Variants in SKAP1 observed in about 807,000 individuals in gnomAD.
SKAP1 encodes src kinase associated phosphoprotein 1, also known as src kinase-associated phosphoprotein 1.
SKAP1 carries 44 observed loss-of-function variants against 58.5 expected under a neutral mutation model. That is an observed-to-expected ratio of 0.75 (90% CI 0.59 to 0.97). SKAP1 has a LOEUF of 0.97. SKAP1 is among the 50% of genes least tolerant of loss of function. The pLI is 0.00. For synonymous variants in SKAP1, 127 were observed against 149.7 expected (o/e 0.85, Z 1.11); for missense variants, 390 against 435.2 (o/e 0.90, Z 0.92).
chr17:48,405,699 C>A (rs1173199311), intron 1 of SKAP1, among the ~76,000 whole-genome samples: 1 of 151,156 alleles, frequency 6.6e-6, no homozygotes, highest in African/African-American at 2.4e-5. Flanking sequence ...TGGGGTTTCA[C>A]CATGTTGACC....
At chr17:48,168,286 T>C (rs564828971) in intron 10 of SKAP1, among the ~76,000 whole-genome samples, 2 of 152,270 alleles carry the variant, frequency 1.3e-5, no homozygotes, top group African/African-American at 2.4e-5. Context: ...CTGCTAGCCA[T>C]AGCATCTTTT....
At chr17:48,238,772 A>G (rs903375040) in intron 4 of SKAP1, among the ~76,000 whole-genome samples, 1 of 152,208 alleles carries the variant, frequency 6.6e-6, no homozygotes, top group Non-Finnish European at 1.5e-5. Context: ...ATGGATATGG[A>G]GCTCCATCAC....
At chr17:48,233,596 T>G (rs1202211277) in intron 4 of SKAP1, among the ~76,000 whole-genome samples, 1 of 151,948 alleles carries the variant, frequency 6.6e-6, no homozygotes, top group African/African-American at 2.4e-5. Flanking sequence ...GGCTTACACC[T>G]GTAATCCCAG....
In SKAP1 at chr17:48,345,984, G is replaced by A; in HGVS notation, c.201C>T (p.Ser67=). 6.2e-7 allele frequency: 1 copy of A among 1,612,170 alleles called. No homozygotes were observed. The change falls in exon 4 of 13, where the codon AGC becomes AGT. Residue 67 remains serine, a synonymous_variant. Coordinates refer to ENST00000336915, the MANE Select transcript of SKAP1 (RefSeq NM_003726.4). ...GAGTCCCGCTGTGATTATCATCAGA[G>A]CTGTCCTGTCCAATGTCTCCCCCTG... ...QPQGGDIGQD[S]SDDNHSGTLG...
chr17:48,264,173 A>G (rs2065515889), intron 4 of SKAP1, among the ~76,000 whole-genome samples: 1 of 149,614 alleles, frequency 6.7e-6, no homozygotes, highest in South Asian at 2.1e-4. Flanking sequence ...TGTATTTTCT[A>G]AAGCATTTGA....
At chr17:48,335,613 T>C (rs1456821484) in intron 4 of SKAP1, among the ~76,000 whole-genome samples, 2 of 152,098 alleles carry the variant, frequency 1.3e-5, no homozygotes, top group Non-Finnish European at 2.9e-5. Flanking sequence ...TGTAAAATAA[T>C]TGTAAAACTG....
chr17:48,287,551 A>G (rs992483745), intron 4 of SKAP1, among the ~76,000 whole-genome samples: 3 of 152,204 alleles, frequency 2.0e-5, no homozygotes, highest in African/African-American at 7.2e-5. Context: ...TTTTGGTAAG[A>G]AAGAAAAAAA....
At chr17:48,288,027 G>T (rs1403280989) in intron 4 of SKAP1, among the ~76,000 whole-genome samples, 1 of 152,182 alleles carries the variant, frequency 6.6e-6, no homozygotes. Context: ...AACATGGACT[G>T]ACTCAAGAGG....
intron 4 of SKAP1, among the ~76,000 whole-genome samples, chr17:48,244,264 C>T (rs1020937801): frequency 2.0e-5 from 3 of 152,140 alleles, no homozygotes; most frequent in Admixed American, 2.0e-4. Context: ...ACTGCCCCAT[C>T]CCCACATTCC....
At chr17:48,151,124 G>A (rs2063898521) in intron 11 of SKAP1, among the ~76,000 whole-genome samples, 1 of 149,234 alleles carries the variant, frequency 6.7e-6, no homozygotes, top group African/African-American at 2.5e-5. Context: ...AAAAATGCAA[G>A]TTTAAAATGT....
At position 48,182,394 on chromosome 17, in the gene SKAP1, C is replaced by T; in HGVS notation, c.631G>A (p.Asp211Asn). 2 of 1,599,100 alleles carry T rather than the reference C, an allele frequency of 1.3e-6. No individual in the cohort carries two copies. The highest frequency in any genetic ancestry group is 1.1e-5 in the South Asian group (1 of 89,840). ...TTATTTCTGTAACAATGACACTTAC[C>T]CTTTAACAAGAAACTTATTTGATCC... The part of the protein sequence containing the change: ...WVDQISFLLK[D>N]LSSLTIPYEE... The change falls in exon 8 of 13, where the codon GAT (aspartate) becomes AAT (asparagine). Residue 211 changes from aspartate to asparagine, a missense_variant and splice_region_variant. Asp to Asn is a conservative substitution (Grantham distance 23). Coordinates refer to ENST00000336915, the MANE Select transcript of SKAP1 (RefSeq NM_003726.4).
chr17:48,189,609 C>A, intron 4 of SKAP1, 109 bp from the exon 5 acceptor site: 2 of 688,060 alleles, frequency 2.9e-6, no homozygotes, highest in South Asian at 3.7e-5. Flanking sequence ...AGGGCAATTG[C>A]TTAAACACAG....
intron 1 of SKAP1, among the ~76,000 whole-genome samples, chr17:48,413,312 T>G (rs2067688464): frequency 6.6e-6 from 1 of 150,766 alleles, no homozygotes; most frequent in Admixed American, 6.6e-5. Context: ...GTCAGGAGTT[T>G]GAGACCAGCC....
At position 48,347,066 on chromosome 17, in the gene SKAP1, T is replaced by A. The variant is rs75612176; in HGVS notation, c.179-1060A>T. Among the ~76,000 whole-genome samples the A allele has an allele frequency of 3.1e-3, 473 of 152,324 alleles. 2 individuals are homozygous for A. Among genetic ancestry groups the A allele is most frequent in the African/African-American group, 0.01 (434 of 41,580 alleles). On this transcript the variant is annotated intron_variant, in intron 3 of 12. Coordinates refer to ENST00000336915, the MANE Select transcript of SKAP1 (RefSeq NM_003726.4). Reference sequence around the variant, plus strand: ...TTGTATTCTGTAGAAGTGACTGATGTTATTATGATACTTTAAAAGGTTCAG... The same window carrying A: ...TTGTATTCTGTAGAAGTGACTGATGATATTATGATACTTTAAAAGGTTCAG...
At chr17:48,201,488 C>T (rs2064727757) in intron 4 of SKAP1, among the ~76,000 whole-genome samples, 1 of 151,956 alleles carries the variant, frequency 6.6e-6, no homozygotes, top group Non-Finnish European at 1.5e-5. Context: ...TTCAAGCAAC[C>T]CTCCTGCCCT....
intron 2 of SKAP1, among the ~76,000 whole-genome samples, chr17:48,389,221 T>C (rs1598644494): frequency 6.6e-6 from 1 of 152,250 alleles, no homozygotes; most frequent in Non-Finnish European, 1.5e-5. Context: ...TACTACTGGT[T>C]TGTAAACTCT....
chr17:48,266,051 T>G (rs1277880434), intron 4 of SKAP1, among the ~76,000 whole-genome samples: 2 of 152,188 alleles, frequency 1.3e-5, no homozygotes, highest in African/African-American at 4.8e-5. Flanking sequence ...CAGCACTTGG[T>G]TTGGCTGACA....
At position 48,371,539 on chromosome 17, in the gene SKAP1, A is replaced by G. The variant is rs578142102; in HGVS notation, c.153-7725T>C. Reference sequence around the variant, plus strand: ...CCTCATATTATTAGAAATACTGGTCAGGTGTGGTGGCTCACACCTGTAATC... The same window carrying G: ...CCTCATATTATTAGAAATACTGGTCGGGTGTGGTGGCTCACACCTGTAATC... On this transcript the variant is annotated intron_variant, in intron 2 of 12. Coordinates refer to ENST00000336915, the MANE Select transcript of SKAP1 (RefSeq NM_003726.4). 3.3e-5 allele frequency among the ~76,000 whole-genome samples: 5 copies of G among 151,372 alleles called. No homozygotes were observed. In the South Asian group the frequency reaches 1.0e-3, roughly 32 times the overall value.
At position 48,325,776 on chromosome 17, in the gene SKAP1, G is replaced by A. The variant is rs372292515; in HGVS notation, c.280+20129C>T. 5.9e-5 allele frequency among the ~76,000 whole-genome samples: 9 copies of A among 152,248 alleles called. No homozygotes were observed. The South Asian group carries it at 8.3e-4, about 14-fold the overall frequency. On this transcript the variant is annotated intron_variant, in intron 4 of 12. Transcript: ENST00000336915. The stretch of plus-strand genomic sequence containing the variant: ...TGTTAAATAAAAATAGGAAGTGTCC[G>A]GGATTACCAAAGTACAATCTAGAGA...
Sources: allele counts gnomAD v4.1 joint callset (sites outside exome capture counted in the v4.1 genomes callset), GRCh38; gene constraint gnomAD v4.1.1; transcripts MANE v1.5; gene names NCBI Gene and HGNC (gene_info 2026-07-23, HGNC 2026-07-21).